SLC35F4: variants seen among roughly 807,000 people sequenced by gnomAD.
The protein encoded by SLC35F4 is chromosome 14 open reading frame 36.
In SLC35F4, 24 loss-of-function variants were observed where a neutral mutation model predicts 44.2. The ratio of observed to expected loss-of-function variants is 0.54; its 90% confidence interval spans 0.39 to 0.76. The LOEUF (loss-of-function observed/expected upper bound fraction) is 0.76. Ranked by LOEUF, SLC35F4 falls within the 30% of genes least tolerant of loss-of-function variation. The pLI is 0.00. For synonymous variants in SLC35F4, 238 were observed against 223.6 expected (o/e 1.06, Z -0.57); for missense variants, 562 against 586.1 (o/e 0.96, Z 0.42).
At chr14:57,959,508 G>C (rs147465192) in intron 1 of SLC35F4, among the ~76,000 whole-genome samples, 1 of 152,292 alleles carries the variant, frequency 6.6e-6, no homozygotes, top group East Asian at 1.9e-4. Flanking sequence ...CACTCATACA[G>C]TCAGAAATTA....
intron 1 of SLC35F4, among the ~76,000 whole-genome samples, chr14:57,692,880 G>A (rs1159936557): frequency 6.6e-6 from 1 of 152,120 alleles, no homozygotes; most frequent in Admixed American, 6.6e-5. Context: ...GGTGGAGCTA[G>A]TGTCCTAAAA....
At chr14:57,868,268 A>C (rs1261818831), upstream of SLC35F4, among the ~76,000 whole-genome samples, 3 of 152,196 alleles carry the variant, frequency 2.0e-5, no homozygotes, top group African/African-American at 7.2e-5. Flanking sequence ...AGGATGACCA[A>C]AATAGTAAAT....
intron 1 of SLC35F4, among the ~76,000 whole-genome samples, chr14:57,884,053 C>T (rs1888596972): frequency 1.3e-5 from 2 of 151,994 alleles, no homozygotes; most frequent in Admixed American, 1.3e-4. Context: ...AAATTATAGC[C>T]CCAGGTTTTC....
chr14:57,871,937 T>A (rs570635702), intron 1 of SLC35F4, among the ~76,000 whole-genome samples: 2 of 152,352 alleles, frequency 1.3e-5, no homozygotes, highest in African/African-American at 2.4e-5. Flanking sequence ...ATTCTCTTCG[T>A]CCTTTGTTTT....
At chr14:57,671,101 A>G (rs555635924) in intron 1 of SLC35F4, among the ~76,000 whole-genome samples, 37 of 151,774 alleles carry the variant, frequency 2.4e-4, no homozygotes, top group Admixed American at 3.9e-4. Flanking sequence ...AAGGGGTTTC[A>G]CTATGTTGGC....
intron 1 of SLC35F4, among the ~76,000 whole-genome samples, chr14:57,937,590 G>A (rs201761755): frequency 0.14 from 1,958 of 13,762 alleles, 16 homozygotes; most frequent in Middle Eastern, 0.2. Context: ...AGAAAAGAAA[G>A]AAAAGAAAAG....
chr14:57,606,464 A>G (rs1441359393), intron 1 of SLC35F4, among the ~76,000 whole-genome samples: 1 of 152,174 alleles, frequency 6.6e-6, no homozygotes, highest in Non-Finnish European at 1.5e-5. Flanking sequence ...CTGGATTTTC[A>G]TATGTTGAGC....
intron 3 of SLC35F4, among the ~76,000 whole-genome samples, chr14:57,585,894 T>C (rs2069680133): frequency 6.6e-6 from 1 of 152,180 alleles, no homozygotes; most frequent in Non-Finnish European, 1.5e-5. Context: ...AAAATGGCCA[T>C]ACTGCCCAAA....
chr14:57,652,720 C>A (rs1386512136), intron 1 of SLC35F4, among the ~76,000 whole-genome samples: 1 of 151,636 alleles, frequency 6.6e-6, no homozygotes, highest in Non-Finnish European at 1.5e-5. Flanking sequence ...AGGATAGTAA[C>A]CCCCACACAA....
chr14:57,859,727 C>T (rs573146236), intron 1 of SLC35F4, among the ~76,000 whole-genome samples: 2 of 152,212 alleles, frequency 1.3e-5, no homozygotes, highest in South Asian at 2.1e-4. Flanking sequence ...GGATAGAAGG[C>T]AGTGATCGCA....
intron 1 of SLC35F4, among the ~76,000 whole-genome samples, chr14:57,896,411 T>C (rs1442139124): frequency 6.6e-6 from 1 of 152,160 alleles, no homozygotes; most frequent in Non-Finnish European, 1.5e-5. Context: ...TAATTTATGG[T>C]GATAAGATCA....
intron 1 of SLC35F4, among the ~76,000 whole-genome samples, chr14:57,841,226 C>G (rs922103766): frequency 6.6e-6 from 1 of 152,108 alleles, no homozygotes; most frequent in Admixed American, 6.5e-5. Flanking sequence ...GGATTTTGAG[C>G]CCCAGGTGAT....
chr14:57,586,017 C>T (rs548901773), intron 3 of SLC35F4, among the ~76,000 whole-genome samples: 1 of 152,250 alleles, frequency 6.6e-6, no homozygotes, highest in South Asian at 2.1e-4. Context: ...CCTGCATAGC[C>T]AAGACAATCC....
chr14:57,915,079 T>C (rs1451610397), intron 1 of SLC35F4, among the ~76,000 whole-genome samples: 1 of 151,566 alleles, frequency 6.6e-6, no homozygotes, highest in East Asian at 2.0e-4. Context: ...TGCCAAGGCT[T>C]ACTGCTTGTA....
chr14:57,566,533 C>T lies in SLC35F4; in HGVS notation c.1158G>A (p.Val386=). 6.2e-7 allele frequency: 1 copy of T among 1,602,562 alleles called. No homozygotes were observed. Among genetic ancestry groups the T allele is most frequent in the Non-Finnish European group, 8.5e-7 (1 of 1,174,686 alleles). Residue 386 remains valine (V), a synonymous_variant, in exon 7 of 8, where the codon GTG becomes GTA. Coordinates refer to ENST00000556826, the MANE Select transcript of SLC35F4 (RefSeq NM_001306087.2). ...TGGAGATTAGGATTGGGTATGTCAG[C>T]ACCACCCCAACATTCACCAGGATGT... The part of the protein sequence containing the change: ...AFNILVNVGV[V]LTYPILISIG...
intron 1 of SLC35F4, among the ~76,000 whole-genome samples, chr14:57,928,908 G>T (rs1012583956): frequency 6.6e-6 from 1 of 152,122 alleles, no homozygotes; most frequent in African/African-American, 2.4e-5. Flanking sequence ...AACCACAAAA[G>T]CTCCGTGGAT....
At chr14:57,934,531 T>C (rs1889760225) in intron 1 of SLC35F4, among the ~76,000 whole-genome samples, 2 of 151,880 alleles carry the variant, frequency 1.3e-5, no homozygotes, top group African/African-American at 2.4e-5. Flanking sequence ...TTCTCTAAAT[T>C]TGAAAGTTTA....
chr14:57,752,894 C>G (rs1479605472), intron 1 of SLC35F4, among the ~76,000 whole-genome samples: 1 of 152,186 alleles, frequency 6.6e-6, no homozygotes, highest in Non-Finnish European at 1.5e-5. Flanking sequence ...ACAGCAGAAG[C>G]AGGAGAGTAG....
At chr14:57,956,954 G>T (rs1890248762) in intron 1 of SLC35F4, among the ~76,000 whole-genome samples, 1 of 152,100 alleles carries the variant, frequency 6.6e-6, no homozygotes, top group African/African-American at 2.4e-5. Flanking sequence ...ATACCCAAAG[G>T]ATTATAAATC....
Sources: allele counts gnomAD v4.1 joint callset (sites outside exome capture counted in the v4.1 genomes callset), GRCh38; gene constraint gnomAD v4.1.1; transcripts MANE v1.5; gene names NCBI Gene and HGNC (gene_info 2026-07-23, HGNC 2026-07-21).